The following HTR2C variants were observed in gnomAD, a reference collection of about 807,000 sequenced individuals.
HTR2C encodes 5-hydroxytryptamine (serotonin) receptor 2C, G protein-coupled.
Under a neutral mutation model 21.0 loss-of-function variants are expected in HTR2C, and 5 were observed. The ratio of observed to expected loss-of-function variants is 0.24; its 90% CI spans 0.12 to 0.50. The LOEUF (loss-of-function observed/expected upper bound fraction) is 0.50. Among genes scored for constraint, HTR2C ranks in the 20% least tolerant of loss-of-function variants. The pLI, the probability that HTR2C is intolerant of heterozygous loss-of-function variation, is 0.98. For synonymous variants in HTR2C, 150 were observed against 145.3 expected, an observed-to-expected ratio of 1.03 and a Z score of -0.23; for missense variants, 271 against 371.2, an observed-to-expected ratio of 0.73 and a Z score of 2.22.
At chrX:114,604,223 A>T (rs1282139511) in intron 1 of HTR2C, among the ~76,000 whole-genome samples, 1 of 110,022 alleles carries the variant, frequency 9.1e-6, no homozygotes, top group Non-Finnish European at 1.9e-5. Context: ...ATTTAGCTGT[A>T]GTCCAGGAAT....
intron 4 of HTR2C, among the ~76,000 whole-genome samples, chrX:114,755,129 A>G (rs1357729796): frequency 9.1e-6 from 1 of 109,296 alleles, no homozygotes; most frequent in African/African-American, 3.3e-5. Flanking sequence ...AATCCCAGTT[A>G]CTTGGGAGGC....
At chrX:114,885,747 C>T (rs1266103039) in intron 5 of HTR2C, among the ~76,000 whole-genome samples, 2 of 110,779 alleles carry the variant, frequency 1.8e-5, no homozygotes, top group Admixed American at 9.6e-5. Flanking sequence ...TTATGAAATC[C>T]ATATAATTAG....
chrX:114,696,367 A>G (rs1042673401), intron 2 of HTR2C, among the ~76,000 whole-genome samples: 21 of 111,634 alleles, frequency 1.9e-4, no homozygotes, highest in African/African-American at 6.8e-4. Context: ...ATCTGTATAT[A>G]ATCAATAGCA....
intron 5 of HTR2C, among the ~76,000 whole-genome samples, chrX:114,882,193 AT>A (rs2071186863): frequency 9.0e-6 from 1 of 110,761 alleles, no homozygotes; most frequent in African/African-American, 3.3e-5. Flanking sequence ...ATGTATACTT[AT>A]TTTATATCAT....
At chrX:114,855,303 C>T (rs1556470581) in intron 5 of HTR2C, among the ~76,000 whole-genome samples, 1 of 111,130 alleles carries the variant, frequency 9.0e-6, no homozygotes, top group African/African-American at 3.3e-5. Context: ...GGATATTTTA[C>T]CCATGATTTA....
intron 1 of HTR2C, among the ~76,000 whole-genome samples, chrX:114,598,707 T>A (rs1449365596): frequency 1.8e-5 from 2 of 111,396 alleles, no homozygotes; most frequent in Non-Finnish European, 3.8e-5. Flanking sequence ...TATGAGATTA[T>A]TTTTAGGAAT....
chrX:114,899,558 G>A (rs1279038345), intron 5 of HTR2C, among the ~76,000 whole-genome samples: 2 of 111,080 alleles, frequency 1.8e-5, no homozygotes, highest in African/African-American at 6.6e-5. Flanking sequence ...GCAAAGATCC[G>A]TGGGAGGAGC....
Position 114,620,626 on chromosome X carries a change from A to G in HTR2C, c.-80+6745A>G, listed in dbSNP as rs781931585. Among the ~76,000 whole-genome samples the G allele has an allele frequency of 5.4e-5, 6 of 111,509 alleles. No individual in the cohort carries two copies. In the South Asian group the frequency reaches 2.2e-3, roughly 41 times the overall value. On this transcript the variant is annotated intron_variant, in intron 2 of 5. Coordinates refer to ENST00000276198, the MANE Select transcript of HTR2C (RefSeq NM_000868.4). The stretch of plus-strand genomic sequence containing the variant: ...AAGTGATATAATGCTTAGTTCATAT[A>G]CTTTCCTGGCTAAGCTTTCTTATTT...
chrX:114,631,710 A>G (rs139657157), intron 2 of HTR2C, among the ~76,000 whole-genome samples: 244 of 111,451 alleles, frequency 2.2e-3, no homozygotes, highest in African/African-American at 7.7e-3. Flanking sequence ...CATTCTCTGT[A>G]TATAAACAGT....
chrX:114,743,174 G>A (rs1024131880), intron 4 of HTR2C, among the ~76,000 whole-genome samples: 26 of 85,761 alleles, frequency 3.0e-4, no homozygotes, highest in Non-Finnish European at 3.6e-4. Flanking sequence ...ATTGTGAATA[G>A]TGCCGCAATA....
intron 2 of HTR2C, among the ~76,000 whole-genome samples, chrX:114,617,386 G>A (rs1159638948): frequency 1.8e-5 from 2 of 111,918 alleles, no homozygotes; most frequent in Non-Finnish European, 3.8e-5. Flanking sequence ...GCTGCAGTGA[G>A]CTGTGATCAC....
chrX:114,779,827 C>A (rs2070098218), intron 4 of HTR2C, among the ~76,000 whole-genome samples: 2 of 111,526 alleles, frequency 1.8e-5, no homozygotes, highest in Non-Finnish European at 3.8e-5. Flanking sequence ...TGAATGAATT[C>A]TGCTCTATGT....
intron 1 of HTR2C, among the ~76,000 whole-genome samples, chrX:114,586,627 T>C (rs1927408614): frequency 9.0e-6 from 1 of 110,810 alleles, no homozygotes; most frequent in African/African-American, 3.3e-5. Flanking sequence ...TTTCTATGCT[T>C]TCTTGAGGGG....
intron 5 of HTR2C, among the ~76,000 whole-genome samples, chrX:114,858,054 T>C (rs2070977278): frequency 9.0e-6 from 1 of 111,165 alleles, no homozygotes; most frequent in African/African-American, 3.3e-5. Flanking sequence ...TTCTGTTCTA[T>C]TGATCTAATA....
intron 4 of HTR2C, among the ~76,000 whole-genome samples, chrX:114,805,235 C>T (rs1048393411): frequency 1.8e-5 from 2 of 109,813 alleles, no homozygotes; most frequent in African/African-American, 6.6e-5. Flanking sequence ...TTTGTTTCTG[C>T]GTGCCTGATT....
intron 2 of HTR2C, among the ~76,000 whole-genome samples, chrX:114,703,155 A>G (rs1162066183): frequency 9.3e-6 from 1 of 107,970 alleles, no homozygotes; most frequent in Non-Finnish European, 1.9e-5. Flanking sequence ...GATCAACAAG[A>G]CAGAAAGTTA....
intron 2 of HTR2C, among the ~76,000 whole-genome samples, chrX:114,699,455 G>T (rs1556416342): frequency 8.9e-6 from 1 of 111,829 alleles, no homozygotes; most frequent in Non-Finnish European, 1.9e-5. Context: ...AGGCCTTTAT[G>T]CTTCATACAA....
rs782739329 is a variant in HTR2C at position 114,803,144 on chromosome X, G to A, written c.350-44859G>A. ...TCCAGTCTATCATTGTTGGACATTT[G>A]GGTTGGTCCCAAGTCTTTGCTATTG... On this transcript the variant is annotated intron_variant, in intron 4 of 5. Coordinates refer to ENST00000276198, the MANE Select transcript of HTR2C (RefSeq NM_000868.4). Among the ~76,000 whole-genome samples, 713 of 96,646 alleles carry A rather than the reference G, an allele frequency of 7.4e-3. 8 individuals carry two copies. Among genetic ancestry groups the A allele is most frequent in the African/African-American group, 0.025 (677 of 26,835 alleles). 83.9% of individuals were successfully genotyped at this position (96,646 alleles called of 115,157 possible).
chrX:114,723,951 T>C (rs1341742754), intron 2 of HTR2C, among the ~76,000 whole-genome samples: 3 of 97,365 alleles, frequency 3.1e-5, no homozygotes, highest in African/African-American at 1.1e-4. Context: ...TGGTCAATTT[T>C]GGAATAGGTG....
Sources: gnomAD v4.1 joint callset for allele counts (sites outside exome capture counted in the v4.1 genomes callset) on GRCh38, gnomAD v4.1.1 for gene constraint, MANE v1.5 for transcripts, NCBI Gene and HGNC (gene_info 2026-07-23, HGNC 2026-07-21) for gene names.